MCTP2: variants seen among roughly 807,000 people sequenced by gnomAD.
The protein encoded by MCTP2 is multiple C2 and transmembrane domain-containing protein 2.
MCTP2 carries 132 observed loss-of-function variants against 111.6 expected under a neutral mutation model. The ratio of observed to expected loss-of-function variants is 1.18; its 90% CI spans 1.03 to 1.37. MCTP2 has a LOEUF of 1.37. Ranked by LOEUF, MCTP2 falls within the 40% of genes most tolerant of loss-of-function variation. The pLI is 0.00. For synonymous variants in MCTP2, 395 were observed against 387.7 expected (o/e 1.02, Z -0.22); for missense variants, 1,183 against 1,067.9 (o/e 1.11, Z -1.50).
In MCTP2 at chr15:94,298,686, C is replaced by G. The variant is rs1203819687; in HGVS notation, c.421C>G (p.Leu141Val). The change falls in exon 2 of 23, where the codon CTT becomes GTT. Residue 141 changes from leucine to valine, a missense_variant. Transcript: ENST00000357742. ...GGTGTCCAGCAACGGCATCTTTGAT[C>G]TTCAGAAAACTTCCCTTGGAGGGGA... ...RRVSSNGIFD[L>V]QKTSLGGDAP... is the part of the protein sequence containing the mutation. 6.2e-7 allele frequency: 1 copy of G among 1,612,686 alleles called. No homozygotes were observed. Among genetic ancestry groups the G allele is most frequent in the Non-Finnish European group, 8.5e-7 (1 of 1,179,550 alleles).
At chr15:94,315,456 C>A in intron 3 of MCTP2, 73 bp from the exon 4 acceptor site, 1 of 1,090,074 alleles carries the variant, frequency 9.2e-7, no homozygotes, top group Non-Finnish European at 1.4e-6. Flanking sequence ...CCTCCAAAAT[C>A]GAGAAGTATT....
At chr15:94,234,494 A>G (rs953031137) in intron 1 of MCTP2, among the ~76,000 whole-genome samples, 1 of 152,170 alleles carries the variant, frequency 6.6e-6, no homozygotes, top group African/African-American at 2.4e-5. Flanking sequence ...GGGCCCTGCT[A>G]GTGAGAAGCC....
chr15:94,351,790 G>C (rs578148886), intron 8 of MCTP2, among the ~76,000 whole-genome samples: 1 of 152,190 alleles, frequency 6.6e-6, no homozygotes. Context: ...GCTTGGCATC[G>C]TCAGTTCTGG....
intron 11 of MCTP2, among the ~76,000 whole-genome samples, chr15:94,369,879 G>T (rs537528317): frequency 9.9e-5 from 15 of 152,042 alleles, no homozygotes; most frequent in African/African-American, 3.4e-4. Flanking sequence ...TAAAGCTGTC[G>T]TTAACTAATT....
At chr15:94,320,173 C>T (rs917113703) in intron 4 of MCTP2, among the ~76,000 whole-genome samples, 47 of 140,560 alleles carry the variant, frequency 3.3e-4, no homozygotes, top group African/African-American at 1.1e-3. Context: ...GATGGAGTCT[C>T]GCTCTGTCGC....
At chr15:94,326,351 C>T (rs112500893) in intron 4 of MCTP2, among the ~76,000 whole-genome samples, 107 of 152,194 alleles carry the variant, frequency 7.0e-4, no homozygotes, top group African/African-American at 2.5e-3. Flanking sequence ...CGTTCTTATA[C>T]CTAAATCTGT....
At chr15:94,322,924 G>A (rs1454792024) in intron 4 of MCTP2, among the ~76,000 whole-genome samples, 1 of 152,170 alleles carries the variant, frequency 6.6e-6, no homozygotes, top group Non-Finnish European at 1.5e-5. Flanking sequence ...GAAGTTTTTG[G>A]TGACTTTGCC....
intron 1 of MCTP2, among the ~76,000 whole-genome samples, chr15:94,284,518 A>G (rs74030926): frequency 0.028 from 4,236 of 152,302 alleles, 219 homozygotes; most frequent in African/African-American, 0.096. Context: ...AGCTACATTT[A>G]TCATTGTGGG....
rs372033356 is a variant in MCTP2 at position 94,269,474 on chromosome 15, A to G, written c.-65-28727A>G. Among the ~76,000 whole-genome samples, 8 of 152,178 alleles carry G rather than the reference A, an allele frequency of 5.3e-5. No individual in the cohort carries two copies. In the East Asian group the frequency reaches 1.2e-3, roughly 22 times the overall value. On this transcript the variant is annotated intron_variant, in intron 1 of 22. Coordinates refer to ENST00000357742, the MANE Select transcript of MCTP2 (RefSeq NM_001385001.1). ...TTTACAACTCCAGATATCTGGAATCATATGTTTTCAATGATTGCCTTATGA... is the reference window on the plus strand; with the variant it reads ...TTTACAACTCCAGATATCTGGAATCGTATGTTTTCAATGATTGCCTTATGA...
At chr15:94,305,831 A>C (rs1016786200) in intron 2 of MCTP2, among the ~76,000 whole-genome samples, 1 of 152,176 alleles carries the variant, frequency 6.6e-6, no homozygotes, top group Non-Finnish European at 1.5e-5. Context: ...GAAGAAGCTA[A>C]AGTTAAGGGA....
intron 10 of MCTP2, among the ~76,000 whole-genome samples, chr15:94,365,536 A>G (rs979823977): frequency 1.3e-5 from 2 of 152,176 alleles, no homozygotes; most frequent in African/African-American, 2.4e-5. Flanking sequence ...CTCTGTTCCA[A>G]TAAGTTGAGC....
intron 17 of MCTP2, among the ~76,000 whole-genome samples, chr15:94,426,541 A>G (rs1369026780): frequency 1.3e-5 from 2 of 152,072 alleles, no homozygotes; most frequent in Non-Finnish European, 2.9e-5. Flanking sequence ...ATGAAGTTCT[A>G]GGTGTTTATT....
At chr15:94,310,776 A>T (rs562782817) in intron 2 of MCTP2, among the ~76,000 whole-genome samples, 21 of 151,570 alleles carry the variant, frequency 1.4e-4, no homozygotes, top group African/African-American at 5.1e-4. Context: ...AAATATTTAT[A>T]AAATAAAACA....
At chr15:94,255,426 G>A (rs879655846) in intron 1 of MCTP2, among the ~76,000 whole-genome samples, 11 of 152,170 alleles carry the variant, frequency 7.2e-5, no homozygotes, top group South Asian at 2.1e-4. Flanking sequence ...CAACCATTTA[G>A]ATATAGATGG....
chr15:94,327,753 GC>G (rs1419823847), intron 4 of MCTP2, among the ~76,000 whole-genome samples: 1 of 152,144 alleles, frequency 6.6e-6, no homozygotes, highest in Non-Finnish European at 1.5e-5. Flanking sequence ...TTATTCCTTT[GC>G]CACTTGGTAC....
chr15:94,345,395 C>T (rs539111166), intron 8 of MCTP2, among the ~76,000 whole-genome samples: 51 of 147,824 alleles, frequency 3.5e-4, no homozygotes, highest in Middle Eastern at 6.8e-3. Context: ...TTATATGTAC[C>T]GGCCATGTTA....
intron 10 of MCTP2, among the ~76,000 whole-genome samples, chr15:94,363,568 C>A (rs2079043388): frequency 6.6e-6 from 1 of 152,058 alleles, no homozygotes; most frequent in African/African-American, 2.4e-5. Flanking sequence ...AGTGGTGTCA[C>A]ATGATAAGGC....
chr15:94,323,619 C>T (rs777953668), intron 4 of MCTP2, among the ~76,000 whole-genome samples: 7 of 152,254 alleles, frequency 4.6e-5, no homozygotes, highest in Non-Finnish European at 1.0e-4. Context: ...CTAAGCAGCC[C>T]TGTTATTATT....
At chr15:94,314,434 GC>G (rs1278292703) in intron 3 of MCTP2, 90 bp downstream of exon 3, 1 of 823,462 alleles carries the variant, frequency 1.2e-6, no homozygotes. Context: ...CTCTTTTATT[GC>G]TAAAAAAAAA....
Sources: gnomAD v4.1 joint callset for allele counts (sites outside exome capture counted in the v4.1 genomes callset) on GRCh38, gnomAD v4.1.1 for gene constraint, MANE v1.5 for transcripts, NCBI Gene and HGNC (gene_info 2026-07-23, HGNC 2026-07-21) for gene names.